Variants in LAMA1 observed in about 807,000 individuals in gnomAD.
LAMA1 encodes the protein laminin subunit alpha-1.
Under a neutral mutation model 348.7 loss-of-function variants are expected in LAMA1, and 219 were observed. The ratio of observed to expected loss-of-function variants is 0.63; its 90% CI spans 0.56 to 0.70. The LOEUF (loss-of-function observed/expected upper bound fraction) is 0.70, where lower values mean the gene tolerates loss of function less well. LAMA1 is among the 30% of genes least tolerant of loss of function. The probability of loss-of-function intolerance (pLI) is 0.00; values close to 1 mark genes in which losing one functional copy is unlikely to be tolerated. For synonymous variants in LAMA1, 1,487 were observed against 1,491.0 expected (o/e 1.00, Z 0.06); for missense variants, 3,744 against 3,888.0 (o/e 0.96, Z 0.99).
At chr18:6,956,818 A>G (rs762323263) in intron 55 of LAMA1, 53 bp from the exon 56 acceptor site, 48 of 1,596,822 alleles carry the variant, frequency 3.0e-5, no homozygotes, top group Non-Finnish European at 3.7e-5. Context: ...AAACCAGTCC[A>G]TGAACCCAAG....
intron 3 of LAMA1, among the ~76,000 whole-genome samples, chr18:7,068,500 T>C (rs114569822): frequency 0.014 from 2,073 of 152,332 alleles, 42 homozygotes; most frequent in African/African-American, 0.047. Flanking sequence ...TTAGATATGA[T>C]GCAATGGAGC....
intron 1 of LAMA1, among the ~76,000 whole-genome samples, chr18:7,091,561 C>A (rs2058239834): frequency 6.6e-6 from 1 of 152,202 alleles, no homozygotes; most frequent in South Asian, 2.1e-4. Flanking sequence ...CTTTCTTCTG[C>A]CACTTCTGCA....
intron 1 of LAMA1, among the ~76,000 whole-genome samples, chr18:7,107,057 T>A (rs140311415): frequency 6.6e-6 from 1 of 151,734 alleles, no homozygotes; most frequent in Non-Finnish European, 1.5e-5. Context: ...AGAACGTAGA[T>A]GGCAATGTCC....
In LAMA1 at chr18:7,023,854, T is replaced by C. The variant is rs956145898; in HGVS notation, c.2490-479A>G. Among the ~76,000 whole-genome samples the C allele has an allele frequency of 3.3e-5, 5 of 152,318 alleles. No individual in the cohort carries two copies. The East Asian group carries it at 7.7e-4, about 24-fold the overall frequency. On this transcript the variant is annotated intron_variant, in intron 18 of 62. Transcript: ENST00000389658. ...CTATTGTTTTTGTTTTGTTTTGTTT[T>C]TTGAGATAGAGTCTCACTCTGTCTC... is the stretch of plus-strand genomic sequence containing the variant.
intron 61 of LAMA1, among the ~76,000 whole-genome samples, chr18:6,943,798 G>A (rs1184040743): frequency 7.2e-6 from 1 of 138,958 alleles, no homozygotes; most frequent in African/African-American, 2.7e-5. Flanking sequence ...AGCCAAGATC[G>A]TACCATTGCA....
intron 1 of LAMA1, among the ~76,000 whole-genome samples, chr18:7,087,067 G>A (rs75089757): frequency 0.014 from 2,105 of 152,240 alleles, 47 homozygotes; most frequent in African/African-American, 0.048. Flanking sequence ...ATTATTCTTT[G>A]CTTCTTTGTG....
chr18:7,045,172 A>G (rs2058037022), intron 6 of LAMA1, among the ~76,000 whole-genome samples: 1 of 152,202 alleles, frequency 6.6e-6, no homozygotes, highest in South Asian at 2.1e-4. Context: ...TTCAGCATCG[A>G]TAACAGAATA....
At chr18:6,995,583 T>G (rs2057777828) in intron 33 of LAMA1, 137 bp from the exon 34 acceptor site, 4 of 665,532 alleles carry the variant, frequency 6.0e-6, no homozygotes, top group Non-Finnish European at 8.1e-6. Context: ...TAAAAAAAAA[T>G]GGATCACATT....
At chr18:7,031,258 T>A (rs2057967951) in intron 16 of LAMA1, among the ~76,000 whole-genome samples, 1 of 152,042 alleles carries the variant, frequency 6.6e-6, no homozygotes, top group African/African-American at 2.4e-5. Context: ...CCTCTGAGGA[T>A]CAAACCCATG....
chr18:7,099,413 C>T (rs2143817409), intron 1 of LAMA1, among the ~76,000 whole-genome samples: 1 of 151,810 alleles, frequency 6.6e-6, no homozygotes, highest in African/African-American at 2.4e-5. Context: ...CCACTATTGT[C>T]CTATGACCCT....
In LAMA1 at chr18:7,068,797, G is replaced by GA. The variant is rs11300832; in HGVS notation, c.345+11177dup. ...AGAAGTTAAGTCAATACATAAAAAA[G>GA]AAAAAAAAAAAGCTAGAATGGATAC... On this transcript the variant is annotated intron_variant, in intron 3 of 62. Coordinates refer to ENST00000389658, the MANE Select transcript of LAMA1 (RefSeq NM_005559.4). Among the ~76,000 whole-genome samples the GA allele has an allele frequency of 6.1e-3, 813 of 133,818 alleles. 9 individuals are homozygous for GA. The highest frequency in any genetic ancestry group is 0.017 in the African/African-American group (657 of 39,462). 87.8% of individuals were successfully genotyped at this position (133,818 alleles called of 152,430 possible).
At chr18:6,978,767 C>G (rs918914648) in intron 42 of LAMA1, among the ~76,000 whole-genome samples, 1 of 152,210 alleles carries the variant, frequency 6.6e-6, no homozygotes, top group Non-Finnish European at 1.5e-5. Flanking sequence ...TTTTCCATCA[C>G]TCCTTTCTCA....
chr18:6,943,843 CAAAAAAAAAAAAA>C (rs61710961), intron 61 of LAMA1, among the ~76,000 whole-genome samples: 4 of 63,208 alleles, frequency 6.3e-5, no homozygotes, highest in African/African-American at 2.3e-4. Flanking sequence ...AACTCCATCT[CAAAAAAAAAAAAA>C]AAAAAAAAAG....
intron 3 of LAMA1, among the ~76,000 whole-genome samples, chr18:7,068,407 G>A (rs73376832): frequency 0.023 from 3,461 of 152,256 alleles, 145 homozygotes; most frequent in African/African-American, 0.079. Context: ...GAATCCGATC[G>A]TTGTCTTGTT....
At chr18:6,947,109 G>A (rs1322943570) in intron 61 of LAMA1, 54 bp downstream of exon 61, 15 of 1,609,684 alleles carry the variant, frequency 9.3e-6, no homozygotes, top group Non-Finnish European at 1.3e-5. Context: ...TTTCTCAATT[G>A]CTCTGTCTCT....
At chr18:7,113,607 G>A (rs2058344161) in intron 1 of LAMA1, among the ~76,000 whole-genome samples, 1 of 152,180 alleles carries the variant, frequency 6.6e-6, no homozygotes, top group Admixed American at 6.5e-5. Flanking sequence ...TTAAACAAGA[G>A]TAGGAGCGGT....
At chr18:7,027,219 T>C (rs1214080384) in intron 16 of LAMA1, among the ~76,000 whole-genome samples, 1 of 152,102 alleles carries the variant, frequency 6.6e-6, no homozygotes, top group African/African-American at 2.4e-5. Flanking sequence ...CAGCGTTACA[T>C]TGACTTAAGT....
intron 58 of LAMA1, 22 bp downstream of exon 58, chr18:6,950,760 C>T: frequency 1.2e-6 from 2 of 1,613,336 alleles, no homozygotes; most frequent in Non-Finnish European, 1.7e-6. Context: ...AAGCAGCCAC[C>T]ACAAGCCTCC....
chr18:6,972,971 G>A lies in LAMA1; in HGVS notation c.6774+86C>T, dbSNP rs2057664888. Reference sequence around the variant, plus strand: ...CTCCCAAAGTTCTGGGATTACAGGCGTGAGCCACCACGCCCGGCCCATGAC... The same window carrying A: ...CTCCCAAAGTTCTGGGATTACAGGCATGAGCCACCACGCCCGGCCCATGAC... On this transcript the variant is annotated intron_variant, in intron 47 of 62. Coordinates refer to ENST00000389658, the MANE Select transcript of LAMA1 (RefSeq NM_005559.4). The A allele has an allele frequency of 1.4e-5, 21 of 1,504,292 alleles. No individual in the cohort carries two copies. The Admixed American group carries it at 3.0e-4, about 22-fold the overall frequency. 93.2% of individuals were successfully genotyped at this position (1,504,292 alleles called of 1,614,324 possible).
Sources: allele counts gnomAD v4.1 joint callset (sites outside exome capture counted in the v4.1 genomes callset), GRCh38; gene constraint gnomAD v4.1.1; transcripts MANE v1.5; gene names NCBI Gene and HGNC (gene_info 2026-07-23, HGNC 2026-07-21).